ITCH: variants seen among roughly 807,000 people sequenced by gnomAD.
ITCH encodes the protein itchy E3 ubiquitin protein ligase.
Under a neutral mutation model 126.8 loss-of-function variants are expected in ITCH, and 28 were observed. That is an observed-to-expected ratio of 0.22 (90% CI 0.16 to 0.30). The LOEUF is 0.30. ITCH is among the 10% of genes least tolerant of loss of function. The pLI is 1.00. For synonymous variants in ITCH, 342 were observed against 340.0 expected (o/e 1.01, Z -0.06); for missense variants, 631 against 1,032.4 (o/e 0.61, Z 5.33).
intron 1 of ITCH, among the ~76,000 whole-genome samples, chr20:34,367,054 A>C (rs1402339365): frequency 2.6e-5 from 4 of 152,222 alleles, no homozygotes; most frequent in African/African-American, 7.2e-5. Flanking sequence ...ACCCATTAGC[A>C]AGTCTGAATA....
intron 23 of ITCH, among the ~76,000 whole-genome samples, chr20:34,503,873 T>TGTG (rs1569012767): frequency 9.4e-6 from 1 of 106,066 alleles, no homozygotes; most frequent in East Asian, 2.4e-4. Flanking sequence ...TTTTTTGGTT[T>TGTG]TTTTTTTTTT....
At chr20:34,448,781 C>G (rs1031868137) in intron 11 of ITCH, among the ~76,000 whole-genome samples, 1 of 152,028 alleles carries the variant, frequency 6.6e-6, no homozygotes, top group African/African-American at 2.4e-5. Context: ...TTTTCTTTTT[C>G]CAAAGGTTGA....
rs1246884761 is a variant in ITCH at position 34,488,189 on chromosome 20, T to TA, written c.2094-1066dup. Among the ~76,000 whole-genome samples, 405 of 146,606 alleles carry TA rather than the reference T, an allele frequency of 2.8e-3. 3 individuals carry two copies. The highest frequency in any genetic ancestry group is 8.0e-3 in the African/African-American group (324 of 40,276). ...ATCTAAGATAATTTCCCTTTGGCTT[T>TA]AAAAAAAAAAACCTTTCTTTACCAT... On this transcript the variant is annotated intron_variant, in intron 20 of 24. Coordinates refer to ENST00000374864, the MANE Select transcript of ITCH (RefSeq NM_031483.7).
intron 20 of ITCH, among the ~76,000 whole-genome samples, chr20:34,483,625 A>G (rs1988913153): frequency 6.6e-6 from 1 of 152,322 alleles, no homozygotes; most frequent in Non-Finnish European, 1.5e-5. Flanking sequence ...TATTGCTGTC[A>G]GCATTTTGGT....
At chr20:34,409,538 A>G (rs1034688115) in intron 4 of ITCH, among the ~76,000 whole-genome samples, 2 of 151,988 alleles carry the variant, frequency 1.3e-5, no homozygotes. Context: ...TTATTCTACA[A>G]CTTTCTTTTT....
chr20:34,387,812 C>T (rs971208294), intron 2 of ITCH, among the ~76,000 whole-genome samples: 5 of 151,918 alleles, frequency 3.3e-5, no homozygotes, highest in African/African-American at 1.2e-4. Flanking sequence ...TCAAGCGGTT[C>T]TCTTGCCTCA....
intron 12 of ITCH, among the ~76,000 whole-genome samples, chr20:34,450,113 A>C (rs142578337): frequency 6.6e-6 from 1 of 152,304 alleles, no homozygotes; most frequent in African/African-American, 2.4e-5. Flanking sequence ...AAATGAATTC[A>C]GCTTTTAAAC....
chr20:34,429,639 T>A (rs1982021278), intron 7 of ITCH, among the ~76,000 whole-genome samples: 1 of 152,182 alleles, frequency 6.6e-6, no homozygotes, highest in Non-Finnish European at 1.5e-5. Context: ...ATATAATTTT[T>A]CATTATATAA....
chr20:34,392,079 A>G (rs955065284), intron 2 of ITCH, among the ~76,000 whole-genome samples: 23 of 152,146 alleles, frequency 1.5e-4, no homozygotes, highest in Admixed American at 5.9e-4. Context: ...TTGTCGTTCT[A>G]TGGCAATCAG....
At chr20:34,431,434 G>A (rs1292185777) in intron 7 of ITCH, among the ~76,000 whole-genome samples, 1 of 151,924 alleles carries the variant, frequency 6.6e-6, no homozygotes, top group Non-Finnish European at 1.5e-5. Context: ...AAGAAAGGGA[G>A]GGCCTTGGGA....
chr20:34,411,873 A>C (rs552897532), intron 4 of ITCH, among the ~76,000 whole-genome samples: 28 of 152,310 alleles, frequency 1.8e-4, no homozygotes, highest in African/African-American at 6.7e-4. Context: ...CCTTATTGGC[A>C]TTTAGCAAGG....
In ITCH at chr20:34,455,504, G is replaced by A. The variant is rs375688987; in HGVS notation, c.1211-1886G>A. Reference sequence around the variant, plus strand: ...TTTTTTTTTTTTGAGACGGAGTCTTGCTCTGTCGCCAGGCTGTAATCCATC... The same window carrying A: ...TTTTTTTTTTTTGAGACGGAGTCTTACTCTGTCGCCAGGCTGTAATCCATC... On this transcript the variant is annotated intron_variant, in intron 12 of 24. Coordinates refer to ENST00000374864, the MANE Select transcript of ITCH (RefSeq NM_031483.7). Among the ~76,000 whole-genome samples the A allele has an allele frequency of 4.1e-5, 6 of 147,596 alleles. No homozygotes were observed. The East Asian group carries it at 1.2e-3, about 29-fold the overall frequency.
chr20:34,383,760 C>T (rs1006291968), intron 2 of ITCH, among the ~76,000 whole-genome samples: 2 of 151,156 alleles, frequency 1.3e-5, no homozygotes, highest in African/African-American at 4.9e-5. Flanking sequence ...AACTCCTAGG[C>T]TCAAGAGATC....
rs543839616 is a variant in ITCH at position 34,416,393 on chromosome 20, G to A, written c.475+2514G>A. 3.3e-3 allele frequency among the ~76,000 whole-genome samples: 495 copies of A among 151,984 alleles called. 1 individual carries two copies. Among genetic ancestry groups the A allele is most frequent in the African/African-American group, 0.012 (478 of 41,470 alleles). On this transcript the variant is annotated intron_variant, in intron 6 of 24. Coordinates refer to ENST00000374864, the MANE Select transcript of ITCH (RefSeq NM_031483.7). ...AGCCTGGGCAACAAGAGCGAAACTG[G>A]GTCTCAAAAGAAAGAAAAGAAAACA...
At chr20:34,503,042 T>G (rs1990362127) in intron 23 of ITCH, among the ~76,000 whole-genome samples, 1 of 152,146 alleles carries the variant, frequency 6.6e-6, no homozygotes, top group African/African-American at 2.4e-5. Context: ...AGAGAGAACA[T>G]GCAGAGTGAG....
Position 34,507,921 on chromosome 20 carries a change from A to G in ITCH, c.*127A>G. 1 of 720,802 alleles carries G rather than the reference A, an allele frequency of 1.4e-6. No homozygotes were observed. 44.7% of individuals were successfully genotyped at this position (720,802 alleles called of 1,614,324 possible). A position where few individuals can be genotyped will look rare whatever the true frequency, so the allele number is the denominator to read the frequency against. On this transcript the variant is annotated 3_prime_UTR_variant, in exon 25 of 25. Transcript: ENST00000374864. ...GAGTTATCTGAGTGTAAGTAAATTAATGTTCTCATTTAGATTTATCTCCCA... is the reference window on the plus strand; with the variant it reads ...GAGTTATCTGAGTGTAAGTAAATTAGTGTTCTCATTTAGATTTATCTCCCA...
At chr20:34,425,987 C>T (rs774571213) in intron 7 of ITCH, among the ~76,000 whole-genome samples, 1 of 152,230 alleles carries the variant, frequency 6.6e-6, no homozygotes, top group Non-Finnish European at 1.5e-5. Flanking sequence ...GGGCAGGCCC[C>T]CTTCATCTAA....
intron 11 of ITCH, among the ~76,000 whole-genome samples, chr20:34,446,419 T>A (rs1984476926): frequency 6.6e-6 from 1 of 152,158 alleles, no homozygotes; most frequent in Admixed American, 6.6e-5. Context: ...CTATTCCTTA[T>A]ACCTCATCAT....
At chr20:34,476,726 CCT>C (rs1988264265) in intron 16 of ITCH, 1 of 218,564 alleles carries the variant, frequency 4.6e-6, no homozygotes, top group Non-Finnish European at 8.9e-6. Flanking sequence ...ACTTACTGAT[CCT>C]CTCTGGATAT....
Sources: gnomAD v4.1 joint callset for allele counts (sites outside exome capture counted in the v4.1 genomes callset) on GRCh38, gnomAD v4.1.1 for gene constraint, MANE v1.5 for transcripts, NCBI Gene and HGNC (gene_info 2026-07-23, HGNC 2026-07-21) for gene names.